The following CLEC2A variants were observed in gnomAD, a reference collection of about 807,000 sequenced individuals.
CLEC2A encodes keratinocyte-associated C-type lectin.
In CLEC2A, 19 loss-of-function variants were observed where a neutral mutation model predicts 18.6. The observed-to-expected ratio is 1.02, with a 90% CI of 0.71 to 1.50. CLEC2A has a LOEUF of 1.50. Ranked by LOEUF, CLEC2A falls within the 40% of genes most tolerant of loss-of-function variation. The pLI is 0.00. For synonymous variants in CLEC2A, 74 were observed against 64.0 expected, an observed-to-expected ratio of 1.16 and a Z score of -0.75; for missense variants, 190 against 207.9, an observed-to-expected ratio of 0.91 and a Z score of 0.53.
At chr12:9,926,508 A>G (rs1335494277) in intron 1 of CLEC2A, among the ~76,000 whole-genome samples, 165 bp from the exon 2 acceptor site, 1 of 152,226 alleles carries the variant, frequency 6.6e-6, no homozygotes, top group African/African-American at 2.4e-5. Flanking sequence ...TGCAAGGAAG[A>G]TAAGTACCAA....
Position 9,920,876 on chromosome 12 carries a change from T to A in CLEC2A, c.306+1190A>T, listed in dbSNP as rs1015271518. ...CTCTAAATTCTAAGAGCTGTATTTTTAAAAATTTTTTCTGTCTATGCTTGG... is the reference window on the plus strand; with the variant it reads ...CTCTAAATTCTAAGAGCTGTATTTTAAAAAATTTTTTCTGTCTATGCTTGG... On this transcript the variant is annotated intron_variant, in intron 3 of 4. Transcript: ENST00000455827. 2.0e-5 allele frequency among the ~76,000 whole-genome samples: 3 copies of A among 152,250 alleles called. No homozygotes were observed. The East Asian group carries it at 5.8e-4, about 29-fold the overall frequency.
At chr12:9,922,960 A>G (rs1445649677) in intron 2 of CLEC2A, among the ~76,000 whole-genome samples, 3 of 152,172 alleles carry the variant, frequency 2.0e-5, no homozygotes, top group African/African-American at 7.2e-5. Flanking sequence ...TCAGAAGTGG[A>G]TACAGGCTAC....
chr12:9,888,644 T>C, the CLEC2A span: 1 of 710,912 alleles, frequency 1.4e-6, no homozygotes, highest in Non-Finnish European at 2.4e-6. Flanking sequence ...TAGTATGCCT[T>C]CATTTTCTGC....
At chr12:9,881,415 A>G in the CLEC2A span, 1 of 533,022 alleles carries the variant, frequency 1.9e-6, no homozygotes, top group African/African-American at 1.9e-5. Flanking sequence ...ATCCATTTTC[A>G]TTTACCAACA....
chr12:9,931,150 A>T (rs1431526513), intron 1 of CLEC2A, among the ~76,000 whole-genome samples: 1 of 152,122 alleles, frequency 6.6e-6, no homozygotes, highest in African/African-American at 2.4e-5. Context: ...TCGTTATGCA[A>T]TGAGATAAAT....
chr12:9,925,056 T>C (rs983287698), intron 2 of CLEC2A, among the ~76,000 whole-genome samples: 5 of 152,242 alleles, frequency 3.3e-5, no homozygotes, highest in African/African-American at 1.2e-4. Flanking sequence ...ATCAAACCTC[T>C]TTGCCTTGCC....
chr12:9,894,349 T>C (rs1862732676), downstream of CLEC2A, among the ~76,000 whole-genome samples: 1 of 152,006 alleles, frequency 6.6e-6, no homozygotes, highest in South Asian at 2.1e-4. Context: ...ACCTGGCTAA[T>C]TTTTTGTATG....
intron 2 of CLEC2A, among the ~76,000 whole-genome samples, chr12:9,924,049 G>A (rs1161618283): frequency 6.6e-6 from 1 of 151,770 alleles, no homozygotes; most frequent in Non-Finnish European, 1.5e-5. Flanking sequence ...CACCAACATG[G>A]CACATGTATA....
At chr12:9,889,575 C>A in the CLEC2A span, among the ~76,000 whole-genome samples, 1 of 151,810 alleles carries the variant, frequency 6.6e-6, no homozygotes, top group South Asian at 2.1e-4. Flanking sequence ...CTATTCTGTG[C>A]GTTTTGGACT....
chr12:9,888,670 A>G, the CLEC2A span: 1 of 932,926 alleles, frequency 1.1e-6, no homozygotes, highest in African/African-American at 1.6e-5. Context: ...CTTTATTCTC[A>G]TGTACCTAGA....
exon 5 of CLEC2A, chr12:9,898,827 T>C (rs1322003918): frequency 1.2e-5 from 8 of 687,026 alleles, no homozygotes; most frequent in Non-Finnish European, 1.9e-5. Flanking sequence ...AGGATAAGGA[T>C]GAAGACAGAT....
At chr12:9,931,994 T>C (rs946937536) in intron 1 of CLEC2A, among the ~76,000 whole-genome samples, 2 of 152,212 alleles carry the variant, frequency 1.3e-5, no homozygotes, top group Admixed American at 6.5e-5. Context: ...AGCAATTTTT[T>C]CCCTGTGAAA....
At chr12:9,911,679 T>C (rs1242839928), downstream of CLEC2A, among the ~76,000 whole-genome samples, 1 of 152,226 alleles carries the variant, frequency 6.6e-6, no homozygotes, top group Non-Finnish European at 1.5e-5. Flanking sequence ...CTTAAAAAAA[T>C]ACTTGATCCA....
At chr12:9,909,981 T>C (rs1294272318), downstream of CLEC2A, among the ~76,000 whole-genome samples, 1 of 152,106 alleles carries the variant, frequency 6.6e-6, no homozygotes, top group Non-Finnish European at 1.5e-5. Context: ...TCTAGCTTGC[T>C]CCCTCTGATT....
chr12:9,893,318 A>C, the CLEC2A span: 68 of 836,332 alleles, frequency 8.1e-5, no homozygotes, highest in Middle Eastern at 9.3e-4. Flanking sequence ...AAAAATGCTA[A>C]TGTATATGAA....
At chr12:9,916,205 T>C (rs1023670409) in intron 4 of CLEC2A, among the ~76,000 whole-genome samples, 5 of 151,918 alleles carry the variant, frequency 3.3e-5, no homozygotes, top group Non-Finnish European at 7.4e-5. Context: ...CAGGAAATGC[T>C]TACAGAAATA....
At chr12:9,930,860 T>C (rs1419891399) in intron 1 of CLEC2A, among the ~76,000 whole-genome samples, 1 of 152,118 alleles carries the variant, frequency 6.6e-6, no homozygotes, top group Non-Finnish European at 1.5e-5. Context: ...ATGTTTTTAA[T>C]AGCATCTCCT....
At chr12:9,904,852 A>G (rs951396391) in intron 4 of CLEC2A, among the ~76,000 whole-genome samples, 6 of 152,156 alleles carry the variant, frequency 3.9e-5, no homozygotes, top group Non-Finnish European at 8.8e-5. Flanking sequence ...ACTTTGAAAA[A>G]GGGGGCCTGG....
chr12:9,888,772 G>A, the CLEC2A span: 1 of 1,500,630 alleles, frequency 6.7e-7, no homozygotes, highest in Admixed American at 2.0e-5. Flanking sequence ...AACGTCAGCA[G>A]TCTATCAGGT....
Sources: gnomAD v4.1 joint callset for allele counts (sites outside exome capture counted in the v4.1 genomes callset) on GRCh38, gnomAD v4.1.1 for gene constraint, MANE v1.5 for transcripts, NCBI Gene and HGNC (gene_info 2026-07-23, HGNC 2026-07-21) for gene names.